Variants in JAKMIP3 observed in about 807,000 individuals in gnomAD.
JAKMIP3 encodes the protein Janus kinase and microtubule interacting protein 3, also known as janus kinase and microtubule-interacting protein 3.
JAKMIP3 carries 58 observed loss-of-function variants against 118.5 expected under a neutral mutation model. The observed-to-expected ratio is 0.49, with a 90% CI of 0.40 to 0.61. The LOEUF (loss-of-function observed/expected upper bound fraction) is 0.61, where lower values mean the gene tolerates loss of function less well. Ranked by LOEUF, JAKMIP3 falls within the 20% of genes least tolerant of loss-of-function variation. The pLI is 0.00. For synonymous variants in JAKMIP3, 486 were observed against 451.2 expected, an observed-to-expected ratio of 1.08 and a Z score of -0.98; for missense variants, 950 against 1,109.0, an observed-to-expected ratio of 0.86 and a Z score of 2.04.
Position 132,086,077 on chromosome 10 carries a change from C to T in JAKMIP3, c.-137-18595C>T, listed in dbSNP as rs184683461. ...TTTTATAGATCACTGTTGTTCAGTT[C>T]GAAGAATTTTTAAATTTTCATCTTG... On this transcript the variant is annotated intron_variant, in intron 1 of 23. Transcript: ENST00000684848. Among the ~76,000 whole-genome samples the T allele has an allele frequency of 8.8e-4, 134 of 152,064 alleles. 1 individual carries two copies. Among genetic ancestry groups the T allele is most frequent in the Admixed American group, 3.7e-3 (57 of 15,260 alleles).
In JAKMIP3 at chr10:132,175,901, TAAAG is replaced by T. The variant is rs1485617950; in HGVS notation, c.*1104-6450_*1104-6447del. 3.3e-5 allele frequency among the ~76,000 whole-genome samples: 5 copies of T among 152,210 alleles called. No individual in the cohort carries two copies. In the South Asian group the frequency reaches 6.2e-4, roughly 19 times the overall value. The stretch of plus-strand genomic sequence containing the variant: ...TTCTTACTGAATTTGTCTATATTGT[TAAAG>T]AAAGAGAAATAAAAGATGAGGTGTT... On this transcript the variant is annotated intron_variant, in intron 23 of 23. Transcript: ENST00000684848.
chr10:132,120,156 T>C (rs1490079530), intron 3 of JAKMIP3, among the ~76,000 whole-genome samples: 8 of 152,230 alleles, frequency 5.3e-5, no homozygotes, highest in Admixed American at 1.3e-4. Context: ...TTCAAAGTCT[T>C]ACATGATCTT....
chr10:132,043,770 T>A (rs1036508314), intron 1 of JAKMIP3, among the ~76,000 whole-genome samples: 2 of 152,174 alleles, frequency 1.3e-5, no homozygotes, highest in African/African-American at 4.8e-5. Context: ...CTGGACCATG[T>A]GGGGAGGAAG....
chr10:132,131,657 A>G (rs953766638), intron 3 of JAKMIP3, among the ~76,000 whole-genome samples: 1 of 152,046 alleles, frequency 6.6e-6, no homozygotes, highest in Non-Finnish European at 1.5e-5. Context: ...TTTGGAAGCC[A>G]TAGCATTCGT....
upstream of JAKMIP3, among the ~76,000 whole-genome samples, chr10:132,061,356 G>A (rs1284134717): frequency 6.6e-6 from 1 of 152,218 alleles, no homozygotes; most frequent in Non-Finnish European, 1.5e-5. Flanking sequence ...ACCTTTTGGG[G>A]AAAAGCTATA....
intron 3 of JAKMIP3, among the ~76,000 whole-genome samples, chr10:132,120,254 C>G (rs568917527): frequency 9.2e-5 from 14 of 152,318 alleles, no homozygotes; most frequent in Admixed American, 9.1e-4. Flanking sequence ...CAGTGTTGCC[C>G]GTGAGAGCCC....
intron 23 of JAKMIP3, among the ~76,000 whole-genome samples, chr10:132,172,246 T>A (rs1249168775): frequency 6.6e-6 from 1 of 152,144 alleles, no homozygotes; most frequent in Non-Finnish European, 1.5e-5. Flanking sequence ...CTGGGGGGCA[T>A]GCCCCAGGAG....
chr10:132,087,683 G>A (rs555820994), intron 1 of JAKMIP3, among the ~76,000 whole-genome samples: 82 of 151,198 alleles, frequency 5.4e-4, no homozygotes, highest in Middle Eastern at 3.4e-3. Flanking sequence ...ATTTCCATAA[G>A]TGTGTCCATT....
chr10:132,165,239 G>A (rs1014178864), intron 21 of JAKMIP3, among the ~76,000 whole-genome samples: 5 of 152,240 alleles, frequency 3.3e-5, no homozygotes, highest in Non-Finnish European at 7.3e-5. Context: ...TCCCAGCTCC[G>A]TGAGGTGTGG....
intron 3 of JAKMIP3, among the ~76,000 whole-genome samples, 182 bp from the exon 4 acceptor site, chr10:132,133,130 C>T (rs1241947443): frequency 6.6e-6 from 1 of 152,196 alleles, no homozygotes; most frequent in Non-Finnish European, 1.5e-5. Context: ...TGAGCCAGGG[C>T]CTGCTGGGAG....
chr10:132,052,199 C>G (rs2038122880), intron 1 of JAKMIP3, among the ~76,000 whole-genome samples: 1 of 152,206 alleles, frequency 6.6e-6, no homozygotes, highest in Admixed American at 6.5e-5. Context: ...ACACTCCAGC[C>G]TGGGTGACAG....
chr10:132,061,681 G>A (rs1589727676), upstream of JAKMIP3, among the ~76,000 whole-genome samples: 3 of 152,302 alleles, frequency 2.0e-5, no homozygotes, highest in Admixed American at 6.5e-5. Flanking sequence ...GCGGTAGCAC[G>A]GGGCTCTCGA....
At chr10:132,164,816 G>A (rs2136623463) in intron 21 of JAKMIP3, 81 bp downstream of exon 21, 1 of 949,038 alleles carries the variant, frequency 1.1e-6, no homozygotes, top group South Asian at 1.4e-5. Context: ...GAGTCACTCA[G>A]CTCCAGGCCG....
At position 132,150,004 on chromosome 10, in the gene JAKMIP3, T is replaced by A. The variant is rs1317339987; in HGVS notation, c.1970T>A (p.Met657Lys). 5 of 1,589,140 alleles carry A rather than the reference T, an allele frequency of 3.1e-6. No homozygotes were observed. Among genetic ancestry groups the A allele is most frequent in the Admixed American group, 1.8e-5 (1 of 56,576 alleles). Reference sequence around the variant, plus strand: ...TAGGACATTGTGGTTGCGGAGCTGATGAAGAAGCTGGACATCCTGGGCGAT... The same window carrying A: ...TAGGACATTGTGGTTGCGGAGCTGAAGAAGAAGCTGGACATCCTGGGCGAT... Reference protein sequence around the residue: ...GVTDIVVAELMKKLDILGDNA... With the variant: ...GVTDIVVAELKKKLDILGDNA... Residue 657 changes from methionine to lysine, a missense_variant, in exon 16 of 24, where the codon ATG becomes AAG. Physicochemically the swap from Met to Lys is moderately conservative, Grantham distance 95. Transcript: ENST00000684848.
chr10:132,131,002 C>T (rs1228661161), intron 3 of JAKMIP3, among the ~76,000 whole-genome samples: 1 of 150,080 alleles, frequency 6.7e-6, no homozygotes, highest in East Asian at 2.0e-4. Flanking sequence ...GCAGGCAAGT[C>T]GGGGGCGGGC....
At chr10:132,178,810 C>T (rs1257748640) in intron 23 of JAKMIP3, among the ~76,000 whole-genome samples, 1 of 152,216 alleles carries the variant, frequency 6.6e-6, no homozygotes, top group African/African-American at 2.4e-5. Flanking sequence ...TCCTTGCCAA[C>T]TGAGTTATGT....
intron 11 of JAKMIP3, among the ~76,000 whole-genome samples, chr10:132,142,694 C>T (rs959129238): frequency 3.9e-5 from 6 of 152,210 alleles, no homozygotes; most frequent in Non-Finnish European, 8.8e-5. Flanking sequence ...GTCCTCTTGC[C>T]GCCCCACCCT....
intron 23 of JAKMIP3, among the ~76,000 whole-genome samples, chr10:132,173,346 G>A (rs919638859): frequency 8.0e-5 from 12 of 150,354 alleles, no homozygotes; most frequent in African/African-American, 2.9e-4. Flanking sequence ...GACACTGGCG[G>A]TAGCAGATAC....
chr10:132,150,522 C>T (rs74161734), intron 16 of JAKMIP3, among the ~76,000 whole-genome samples: 4,890 of 152,236 alleles, frequency 0.032, 117 homozygotes, highest in South Asian at 0.086. Flanking sequence ...AATTTTCATC[C>T]GCCCATTACT....
Sources: allele counts gnomAD v4.1 joint callset (sites outside exome capture counted in the v4.1 genomes callset), GRCh38; gene constraint gnomAD v4.1.1; transcripts MANE v1.5; gene names NCBI Gene and HGNC (gene_info 2026-07-23, HGNC 2026-07-21).